Variants in MARCHF11 observed in about 807,000 individuals in gnomAD.
The protein encoded by MARCHF11 is membrane associated ring-CH-type finger 11.
In MARCHF11, 29 loss-of-function variants were observed where a neutral mutation model predicts 37.3. That is an observed-to-expected ratio of 0.78 (90% CI 0.58 to 1.06). MARCHF11 has a LOEUF of 1.06. Among genes scored for constraint, MARCHF11 ranks in the 50% least tolerant of loss-of-function variants. MARCHF11 has a pLI of 0.00. For missense variants in MARCHF11, 482 were observed against 533.4 expected (o/e 0.90, Z 0.95); for synonymous variants, 233 against 228.0 (o/e 1.02, Z -0.20).
intron 2 of MARCHF11, among the ~76,000 whole-genome samples, chr5:16,131,397 T>A (rs1013885290): frequency 6.6e-6 from 1 of 152,174 alleles, no homozygotes; most frequent in Non-Finnish European, 1.5e-5. Flanking sequence ...ACATATTCAA[T>A]CCATTTTGAA....
chr5:16,147,042 G>A (rs187376332), intron 2 of MARCHF11, among the ~76,000 whole-genome samples: 1 of 152,218 alleles, frequency 6.6e-6, no homozygotes, highest in African/African-American at 2.4e-5. Context: ...TATTTTCTCA[G>A]ATAAATTTAT....
chr5:16,081,137 A>C (rs1327114956), intron 3 of MARCHF11, among the ~76,000 whole-genome samples: 1 of 152,148 alleles, frequency 6.6e-6, no homozygotes, highest in Non-Finnish European at 1.5e-5. Flanking sequence ...TCCTAAGTGT[A>C]ATTAACCTTC....
intron 2 of MARCHF11, among the ~76,000 whole-genome samples, chr5:16,096,588 G>T (rs1332129777): frequency 3.3e-5 from 5 of 152,180 alleles, no homozygotes; most frequent in African/African-American, 7.2e-5. Context: ...TCCACAGATT[G>T]CTGTGAAACC....
At chr5:16,165,956 C>T (rs576953905) in intron 2 of MARCHF11, among the ~76,000 whole-genome samples, 1 of 152,048 alleles carries the variant, frequency 6.6e-6, no homozygotes, top group Non-Finnish European at 1.5e-5. Context: ...TACCATTGAA[C>T]CACCAGTGCA....
Position 16,179,142 on chromosome 5 carries a change from C to A in MARCHF11, c.434G>T (p.Cys145Phe). 6 of 1,479,072 alleles carry A rather than the reference C, an allele frequency of 4.1e-6. No individual in the cohort carries two copies. Among genetic ancestry groups the A allele is most frequent in the Non-Finnish European group, 5.3e-6 (6 of 1,121,854 alleles). The allele number at this position is 1,479,072 out of a possible 1,614,324, so 91.6% of individuals were successfully genotyped here. ...AGDQPETRSV[C>F]SSRSSSSGGG... ...GCCACTGCTGCTGCTGCGGCTGCTGCACACCGAGCGCGTCTCGGGCTGGTC... is the reference window on the plus strand; with the variant it reads ...GCCACTGCTGCTGCTGCGGCTGCTGAACACCGAGCGCGTCTCGGGCTGGTC... Residue 145 changes from cysteine to phenylalanine, a missense_variant, in exon 1 of 4, where the codon TGC becomes TTC. By Grantham distance (205) the Cys-to-Phe change is radical (BLOSUM62 -2). Transcript: ENST00000332432.
At chr5:16,157,859 G>A (rs1738003358) in intron 2 of MARCHF11, among the ~76,000 whole-genome samples, 1 of 151,858 alleles carries the variant, frequency 6.6e-6, no homozygotes, top group African/African-American at 2.4e-5. Context: ...AAAAGCCTTT[G>A]CACAGCAAAG....
At chr5:16,146,442 T>C (rs529972997) in intron 2 of MARCHF11, among the ~76,000 whole-genome samples, 8 of 152,214 alleles carry the variant, frequency 5.3e-5, no homozygotes, top group Non-Finnish European at 1.2e-4. Flanking sequence ...AGAGTATTCA[T>C]GTTGAGGATG....
rs566778429 is a variant in MARCHF11 at position 16,081,580 on chromosome 5, T to C, written c.886+9309A>G. Among the ~76,000 whole-genome samples, 25 of 152,276 alleles carry C rather than the reference T, an allele frequency of 1.6e-4. 1 individual carries two copies. In the South Asian group the frequency reaches 5.2e-3, roughly 32 times the overall value. ...AAGCCTTGTTCTATTTATACCACTA[T>C]CCCGCACTCCAGGCTCAGCACCACG... On this transcript the variant is annotated intron_variant, in intron 3 of 3. Coordinates refer to ENST00000332432, the MANE Select transcript of MARCHF11 (RefSeq NM_001102562.3).
intron 2 of MARCHF11, among the ~76,000 whole-genome samples, chr5:16,151,677 G>GTA (rs1311843677): frequency 6.7e-6 from 1 of 150,144 alleles, no homozygotes. Context: ...GTGTGTGTGT[G>GTA]TGTGTGTGTG....
In MARCHF11 at chr5:16,177,620, A is replaced by G. The variant is rs151170611; in HGVS notation, c.693+106T>C. ...TCTTGGTTTTAGTGTAATTTTCACA[A>G]AATGTTTTTAAGTAGCATAAGTAAA... On this transcript the variant is annotated intron_variant, in intron 2 of 3. Coordinates refer to ENST00000332432, the MANE Select transcript of MARCHF11 (RefSeq NM_001102562.3). 561 of 974,266 alleles carry G rather than the reference A, an allele frequency of 5.8e-4. 2 individuals are homozygous for G. The African/African-American group carries it at 8.4e-3, about 15-fold the overall frequency. 60.4% of individuals were successfully genotyped at this position (974,266 alleles called of 1,614,324 possible).
chr5:16,138,213 C>T (rs1023243781), intron 2 of MARCHF11, among the ~76,000 whole-genome samples: 12 of 152,196 alleles, frequency 7.9e-5, no homozygotes, highest in African/African-American at 2.4e-4. Context: ...AAAATGGTTA[C>T]ATCAGCGGAG....
chr5:16,164,518 A>G (rs1738138427), intron 2 of MARCHF11, among the ~76,000 whole-genome samples: 1 of 152,050 alleles, frequency 6.6e-6, no homozygotes, highest in African/African-American at 2.4e-5. Context: ...GTGTTTCAGG[A>G]TCCTAAGTTG....
At chr5:16,072,518 G>GTGTGTT (rs1395549905) in intron 3 of MARCHF11, among the ~76,000 whole-genome samples, 1 of 138,776 alleles carries the variant, frequency 7.2e-6, no homozygotes, top group African/African-American at 3.3e-5. Flanking sequence ...CTCTGTGTGT[G>GTGTGTT]TGTGTGTGTG....
Position 16,179,653 on chromosome 5 carries a change from G to A in MARCHF11, c.-78C>T, listed in dbSNP as rs1229391024. Reference sequence around the variant, plus strand: ...CTGCAGGGAAAGAGAGCGCGGAGGGGGCGGGAGGGAGAGGGGAAAAGGAGG... The same window carrying A: ...CTGCAGGGAAAGAGAGCGCGGAGGGAGCGGGAGGGAGAGGGGAAAAGGAGG... On this transcript the variant is annotated 5_prime_UTR_variant, in exon 1 of 4. Coordinates refer to ENST00000332432, the MANE Select transcript of MARCHF11 (RefSeq NM_001102562.3). The A allele has an allele frequency of 9.5e-7, 1 of 1,056,374 alleles. No individual in the cohort carries two copies. The highest frequency in any genetic ancestry group is 1.2e-6 in the Non-Finnish European group (1 of 863,226). 65.4% of individuals were successfully genotyped at this position (1,056,374 alleles called of 1,614,324 possible). A position where few individuals can be genotyped will look rare whatever the true frequency, so the allele number is the denominator to read the frequency against.
intron 2 of MARCHF11, among the ~76,000 whole-genome samples, chr5:16,114,905 T>C (rs936635527): frequency 7.2e-5 from 11 of 152,200 alleles, no homozygotes; most frequent in Non-Finnish European, 1.6e-4. Flanking sequence ...ATTATTTGGA[T>C]GGTTGTTTAA....
chr5:16,115,893 C>G (rs1737220015), intron 2 of MARCHF11, among the ~76,000 whole-genome samples: 1 of 152,288 alleles, frequency 6.6e-6, no homozygotes, highest in Non-Finnish European at 1.5e-5. Context: ...TCCCAAAGTG[C>G]TAGGATTACA....
intron 2 of MARCHF11, among the ~76,000 whole-genome samples, chr5:16,173,443 A>G (rs542136424): frequency 1.3e-5 from 2 of 152,348 alleles, no homozygotes; most frequent in South Asian, 2.1e-4. Flanking sequence ...CATTGCTCCA[A>G]TTATGAGTAG....
chr5:16,101,456 A>T (rs1736956705), intron 2 of MARCHF11, among the ~76,000 whole-genome samples: 1 of 152,224 alleles, frequency 6.6e-6, no homozygotes, highest in Non-Finnish European at 1.5e-5. Flanking sequence ...TCTCATAACA[A>T]AAGCAGGTGC....
intron 2 of MARCHF11, among the ~76,000 whole-genome samples, chr5:16,112,534 A>G (rs761820976): frequency 6.6e-6 from 1 of 152,190 alleles, no homozygotes; most frequent in Admixed American, 6.5e-5. Context: ...CCCACATTGT[A>G]TCTAGGAAGT....
Sources: gnomAD v4.1 joint callset for allele counts (sites outside exome capture counted in the v4.1 genomes callset) on GRCh38, gnomAD v4.1.1 for gene constraint, MANE v1.5 for transcripts, NCBI Gene and HGNC (gene_info 2026-07-23, HGNC 2026-07-21) for gene names.